Variants in ILDR1 observed in about 807,000 individuals in gnomAD.
ILDR1 encodes immunoglobulin like domain containing receptor 1, also known as immunoglobulin-like domain-containing receptor 1.
In ILDR1, 56 loss-of-function variants were observed where a neutral mutation model predicts 62.4. The ratio of observed to expected loss-of-function variants is 0.90; its 90% CI spans 0.72 to 1.12. The LOEUF is 1.12. ILDR1 is among the 50% of genes most tolerant of loss of function. The pLI is 0.00. For missense variants in ILDR1, 736 were observed against 710.6 expected (o/e 1.04, Z -0.41); for synonymous variants, 284 against 277.8 (o/e 1.02, Z -0.22).
chr3:122,054,030 T>C, the ILDR1 span, among the ~76,000 whole-genome samples: 1 of 152,222 alleles, frequency 6.6e-6, no homozygotes, highest in Non-Finnish European at 1.5e-5. Flanking sequence ...TTTAAAATTC[T>C]CAAATCCAGA....
chr3:122,041,163 AT>A, the ILDR1 span, among the ~76,000 whole-genome samples: 1 of 152,220 alleles, frequency 6.6e-6, no homozygotes, highest in Non-Finnish European at 1.5e-5. Flanking sequence ...CTTTGAATGT[AT>A]CCCCCCAAAA....
rs115649165 is a variant in ILDR1 at position 122,001,783 on chromosome 3, G to A, written c.461C>T (p.Ser154Leu). The stretch of plus-strand genomic sequence containing the variant: ...CTTTACTTCCTTATCGGGGTCTCCT[G>A]ATGTGTCCCCTGGAGCCTCAATGGT... ...YCTIEAPGDT[S>L]GDPDKEVKLI... Residue 154 changes from serine to leucine, a missense_variant, in exon 4 of 8, where the codon TCA becomes TTA. Transcript: ENST00000344209. 7.6e-4 allele frequency: 1,220 copies of A among 1,612,906 alleles called. No individual in the cohort carries two copies. The highest frequency in any genetic ancestry group is 9.6e-4 in the Non-Finnish European group (1,129 of 1,179,880).
the ILDR1 span, among the ~76,000 whole-genome samples, chr3:122,058,334 G>A: frequency 6.2e-4 from 95 of 152,304 alleles, no homozygotes; most frequent in South Asian, 0.011. Context: ...GACAAGGCCA[G>A]CCTCCAGGGA....
chr3:122,054,740 T>C, the ILDR1 span, among the ~76,000 whole-genome samples: 2 of 152,218 alleles, frequency 1.3e-5, no homozygotes, highest in Non-Finnish European at 2.9e-5. Flanking sequence ...TCTAGTATAG[T>C]TTCTGCTTGA....
intron 5 of ILDR1, 62 bp from the exon 6 acceptor site, chr3:121,994,375 C>T: frequency 1.7e-5 from 25 of 1,481,130 alleles, no homozygotes; most frequent in Non-Finnish European, 2.1e-5. Flanking sequence ...CCTCCCACTT[C>T]ACTTCTTTCC....
chr3:121,993,085 G>A, intron 7 of ILDR1, 65 bp downstream of exon 7: 2 of 1,316,380 alleles, frequency 1.5e-6, no homozygotes, highest in African/African-American at 2.9e-5. Flanking sequence ...GTTGGCTGTG[G>A]TCATGCCTGG....
intron 7 of ILDR1, among the ~76,000 whole-genome samples, chr3:121,989,034 A>G (rs2071297966): frequency 6.6e-6 from 1 of 152,098 alleles, no homozygotes; most frequent in Non-Finnish European, 1.5e-5. Flanking sequence ...ACGGTAGGGG[A>G]TCATTTTATT....
At chr3:122,004,160 ATGAGTGGCCCACTGGG>A (rs1297225324) in intron 3 of ILDR1, among the ~76,000 whole-genome samples, 1 of 152,240 alleles carries the variant, frequency 6.6e-6, no homozygotes, top group Non-Finnish European at 1.5e-5. Context: ...GATGGCCACC[ATGAGTGGCCCACTGGG>A]TGTATTCTTC....
At position 121,993,361 on chromosome 3, in the gene ILDR1, C is replaced by T. The variant is rs199571441; in HGVS notation, c.1388G>A (p.Arg463His). The change falls in exon 7 of 8, where the codon CGC becomes CAC. Residue 463 changes from arginine (R) to histidine (H), a missense_variant. Coordinates refer to ENST00000344209, the MANE Select transcript of ILDR1 (RefSeq NM_001199799.2). ...RESTQRHGRR[R>H]RHRSYSPPLP... ...GGGAGGAGAGTAGCTGCGGTGCCTG[C>T]GTCGTCTCCCGTGCCTCTGAGTGCT... 195 of 1,609,628 alleles carry T rather than the reference C, an allele frequency of 1.2e-4. No individual in the cohort carries two copies. Among genetic ancestry groups the T allele is most frequent in the Non-Finnish European group, 1.5e-4 (173 of 1,176,750 alleles).
chr3:122,001,793 C>T lies in ILDR1; in HGVS notation c.451G>A (p.Gly151Arg), dbSNP rs727503098. 6.3e-5 allele frequency: 101 copies of T among 1,613,316 alleles called. 1 individual carries two copies. In the Admixed American group the frequency reaches 7.3e-4, roughly 12 times the overall value. The stretch of plus-strand genomic sequence containing the variant: ...TTATCGGGGTCTCCTGATGTGTCCC[C>T]TGGAGCCTCAATGGTGCAGTAATAC... ...GVYYCTIEAP[G>R]DTSGDPDKEV... Residue 151 changes from glycine (G) to arginine (R), a missense_variant, in exon 4 of 8, where the codon GGG becomes AGG. Physicochemically the swap from Gly to Arg is moderately radical, Grantham distance 125. Transcript: ENST00000344209.
chr3:122,009,067 G>A (rs573909535), intron 1 of ILDR1, among the ~76,000 whole-genome samples: 7 of 151,954 alleles, frequency 4.6e-5, no homozygotes, highest in Admixed American at 4.6e-4. Context: ...CCAAGTAGCT[G>A]AGACTACAGG....
chr3:122,026,673 C>T (rs2071923931), upstream of ILDR1, among the ~76,000 whole-genome samples: 1 of 152,102 alleles, frequency 6.6e-6, no homozygotes, highest in African/African-American at 2.4e-5. Flanking sequence ...TCGGCAGGGA[C>T]TGAGAGACTT....
At chr3:121,990,788 G>T (rs1385082131) in intron 7 of ILDR1, among the ~76,000 whole-genome samples, 1 of 152,126 alleles carries the variant, frequency 6.6e-6, no homozygotes, top group African/African-American at 2.4e-5. Context: ...TTATTGAAAG[G>T]GCACAGGCTT....
chr3:122,040,914 T>G, the ILDR1 span, among the ~76,000 whole-genome samples: 1 of 152,260 alleles, frequency 6.6e-6, no homozygotes, highest in South Asian at 2.1e-4. Flanking sequence ...TGAGTTACAC[T>G]TTATTAAAAT....
At chr3:122,013,656 C>T (rs558225721) in intron 1 of ILDR1, among the ~76,000 whole-genome samples, 22 of 152,028 alleles carry the variant, frequency 1.4e-4, no homozygotes, top group African/African-American at 5.1e-4. Context: ...AGGAGCAAGA[C>T]AAGAAGTGAC....
chr3:122,020,510 C>T (rs187985639), intron 1 of ILDR1, among the ~76,000 whole-genome samples: 45 of 152,214 alleles, frequency 3.0e-4, no homozygotes, highest in Admixed American at 1.5e-3. Flanking sequence ...ATAAAGTGAA[C>T]GTGAGTTTAG....
At chr3:121,996,311 T>G (rs558745484) in intron 5 of ILDR1, among the ~76,000 whole-genome samples, 1 of 152,358 alleles carries the variant, frequency 6.6e-6, no homozygotes, top group Non-Finnish European at 1.5e-5. Context: ...AGATCCTCCA[T>G]GAGTGTTTCT....
the ILDR1 span, among the ~76,000 whole-genome samples, chr3:122,044,366 G>T: frequency 7.8e-6 from 1 of 128,160 alleles, no homozygotes. Context: ...AAGGATATTG[G>T]TCTAAAATTC....
chr3:122,056,913 G>A, the ILDR1 span, among the ~76,000 whole-genome samples: 6 of 152,166 alleles, frequency 3.9e-5, no homozygotes, highest in African/African-American at 1.4e-4. Flanking sequence ...ATAGGCTGCT[G>A]TCTATATTGA....
Sources: allele counts gnomAD v4.1 joint callset (sites outside exome capture counted in the v4.1 genomes callset), GRCh38; gene constraint gnomAD v4.1.1; transcripts MANE v1.5; gene names NCBI Gene and HGNC (gene_info 2026-07-23, HGNC 2026-07-21).